Variants in DENND1A observed in about 807,000 individuals in gnomAD.
The protein encoded by DENND1A is DENN domain-containing protein 1A.
In DENND1A, 51 loss-of-function variants were observed where a neutral mutation model predicts 113.7. That is an observed-to-expected ratio of 0.45 (90% CI 0.36 to 0.57). The LOEUF (loss-of-function observed/expected upper bound fraction) is 0.57, where lower values mean the gene tolerates loss of function less well. DENND1A is among the 20% of genes least tolerant of loss of function. DENND1A has a pLI of 0.00. For missense variants in DENND1A, 1,258 were observed against 1,395.9 expected (o/e 0.90, Z 1.57); for synonymous variants, 565 against 570.8 (o/e 0.99, Z 0.14).
At chr9:123,816,849 TAGAG>T (rs1479041305) in intron 2 of DENND1A, among the ~76,000 whole-genome samples, 1 of 152,024 alleles carries the variant, frequency 6.6e-6, no homozygotes, top group Non-Finnish European at 1.5e-5. Context: ...AAGAGGAAAA[TAGAG>T]AGGCACTGTA....
chr9:123,693,905 G>A (rs1336414570), intron 5 of DENND1A, among the ~76,000 whole-genome samples: 1 of 150,906 alleles, frequency 6.6e-6, no homozygotes, highest in African/African-American at 2.4e-5. Context: ...TCAGCTCACT[G>A]CAACATCTGC....
chr9:123,564,363 T>C (rs1282268441), intron 12 of DENND1A, among the ~76,000 whole-genome samples: 1 of 152,222 alleles, frequency 6.6e-6, no homozygotes, highest in Admixed American at 6.5e-5. Flanking sequence ...CACCTTAAGA[T>C]TTCTCAGCTC....
chr9:123,758,405 G>T (rs1321692496), intron 4 of DENND1A, among the ~76,000 whole-genome samples: 1 of 152,132 alleles, frequency 6.6e-6, no homozygotes, highest in African/African-American at 2.4e-5. Flanking sequence ...GGAATTTAGA[G>T]GATGTTCCCA....
chr9:123,888,356 G>A (rs992583977), intron 1 of DENND1A, among the ~76,000 whole-genome samples: 4 of 152,180 alleles, frequency 2.6e-5, no homozygotes, highest in African/African-American at 4.8e-5. Context: ...GAGTTCATAC[G>A]CATCTAAATA....
intron 6 of DENND1A, among the ~76,000 whole-genome samples, chr9:123,675,561 T>C (rs1564928458): frequency 6.6e-6 from 1 of 152,150 alleles, no homozygotes; most frequent in African/African-American, 2.4e-5. Flanking sequence ...TCCTTAACGT[T>C]TAATAATAAT....
intron 1 of DENND1A, among the ~76,000 whole-genome samples, chr9:123,911,525 A>G (rs1479792404): frequency 5.3e-5 from 8 of 152,218 alleles, no homozygotes; most frequent in African/African-American, 1.7e-4. Context: ...CTACGCAGCA[A>G]TGAAAAACAA....
At chr9:123,902,347 A>G (rs1439560546) in intron 1 of DENND1A, among the ~76,000 whole-genome samples, 1 of 152,226 alleles carries the variant, frequency 6.6e-6, no homozygotes, top group Non-Finnish European at 1.5e-5. Flanking sequence ...ATTCTAACAG[A>G]ATGCACTCTA....
At position 123,775,529 on chromosome 9, in the gene DENND1A, GA is replaced by G. The variant is rs368306823; in HGVS notation, c.133-5967del. Among the ~76,000 whole-genome samples the G allele has an allele frequency of 9.2e-4, 134 of 145,734 alleles. 1 individual carries two copies. The Middle Eastern group carries it at 0.014, about 15-fold the overall frequency. On this transcript the variant is annotated intron_variant, in intron 3 of 23. Transcript: ENST00000394215. Reference sequence around the variant, plus strand: ...AAGATACTATTTTAAAAGAAAAGGGGAAAAAAAAAAGAGCACTGATAGAAAT... The same window carrying G: ...AAGATACTATTTTAAAAGAAAAGGGGAAAAAAAAAGAGCACTGATAGAAAT...
chr9:123,509,490 C>T lies in DENND1A; in HGVS notation c.993+48080G>A, dbSNP rs904658914. ...CATAGCGTCTTACACAGGAGAGGTG[C>T]TCTTGCACCATCTTCCTTTATGGCC... On this transcript the variant is annotated intron_variant, in intron 13 of 23. Coordinates refer to ENST00000394215, the MANE Select transcript of DENND1A (RefSeq NM_001352964.2). 6.1e-4 allele frequency among the ~76,000 whole-genome samples: 93 copies of T among 152,218 alleles called. 2 individuals carry two copies. Among genetic ancestry groups the T allele is most frequent in the Non-Finnish European group, 1.5e-4 (10 of 68,028 alleles).
chr9:123,921,678 G>GA (rs1856284518), intron 1 of DENND1A, among the ~76,000 whole-genome samples: 6 of 152,150 alleles, frequency 3.9e-5, no homozygotes, highest in Admixed American at 1.3e-4. Context: ...ATTCACTATG[G>GA]ATCCCTCAAA....
chr9:123,898,600 G>A (rs978534956), intron 1 of DENND1A, among the ~76,000 whole-genome samples: 7 of 152,154 alleles, frequency 4.6e-5, no homozygotes, highest in Non-Finnish European at 7.3e-5. Flanking sequence ...AATTACAGGC[G>A]TGAGCCAACA....
chr9:123,797,681 A>G (rs1173552136), intron 2 of DENND1A, among the ~76,000 whole-genome samples: 1 of 152,152 alleles, frequency 6.6e-6, no homozygotes, highest in Admixed American at 6.5e-5. Flanking sequence ...ATAACTAAAC[A>G]CAATTATTCT....
chr9:123,839,205 C>CAG (rs1450099222), intron 2 of DENND1A, among the ~76,000 whole-genome samples: 3 of 152,174 alleles, frequency 2.0e-5, no homozygotes, highest in Non-Finnish European at 4.4e-5. Flanking sequence ...AGGAAGCCAG[C>CAG]AGAGGCAAAG....
chr9:123,813,506 CT>C (rs1377119851), intron 2 of DENND1A, among the ~76,000 whole-genome samples: 1 of 147,434 alleles, frequency 6.8e-6, no homozygotes, highest in African/African-American at 2.6e-5. Context: ...TGGCAAAGCC[CT>C]TCTCATCTAA....
intron 2 of DENND1A, among the ~76,000 whole-genome samples, chr9:123,807,039 T>A (rs1004047569): frequency 6.6e-6 from 1 of 152,168 alleles, no homozygotes; most frequent in Non-Finnish European, 1.5e-5. Context: ...AATATTTACA[T>A]CACCATAACA....
At chr9:123,637,074 T>C (rs139587708) in intron 9 of DENND1A, among the ~76,000 whole-genome samples, 2 of 152,330 alleles carry the variant, frequency 1.3e-5, no homozygotes, top group Admixed American at 1.3e-4. Flanking sequence ...TTCCAAGCTC[T>C]AAAAGCTGGC....
intron 9 of DENND1A, 36 bp from the exon 10 acceptor site, chr9:123,630,512 C>A: frequency 7.1e-7 from 1 of 1,417,866 alleles, no homozygotes; most frequent in Admixed American, 2.5e-5. Flanking sequence ...ATGAACAAAT[C>A]CAAGGGAGGA....
chr9:123,836,043 C>T (rs1361627932), intron 2 of DENND1A, among the ~76,000 whole-genome samples: 1 of 152,110 alleles, frequency 6.6e-6, no homozygotes, highest in Admixed American at 6.5e-5. Context: ...AGGTGTTTGG[C>T]AGTTACTATT....
chr9:123,435,806 G>C (rs2046472663), intron 19 of DENND1A, among the ~76,000 whole-genome samples: 1 of 152,344 alleles, frequency 6.6e-6, no homozygotes, highest in South Asian at 2.1e-4. Flanking sequence ...TGCTGCTGCT[G>C]CTGGATTTGG....
Sources: gnomAD v4.1 joint callset for allele counts (sites outside exome capture counted in the v4.1 genomes callset) on GRCh38, gnomAD v4.1.1 for gene constraint, MANE v1.5 for transcripts, NCBI Gene and HGNC (gene_info 2026-07-23, HGNC 2026-07-21) for gene names.